Variants in TAFA4 observed in about 807,000 individuals in gnomAD.
The protein encoded by TAFA4 is TAFA chemokine like family member 4.
TAFA4 carries 20 observed loss-of-function variants against 21.1 expected under a neutral mutation model. The ratio of observed to expected loss-of-function variants is 0.95; its 90% confidence interval spans 0.67 to 1.38. The LOEUF (loss-of-function observed/expected upper bound fraction) is 1.38. Ranked by LOEUF, TAFA4 falls within the 40% of genes most tolerant of loss-of-function variation. The pLI is 0.00. For missense variants in TAFA4, 211 were observed against 180.9 expected (o/e 1.17, Z -0.95); for synonymous variants, 71 against 67.4 (o/e 1.05, Z -0.26).
In TAFA4 at chr3:68,807,058, C is replaced by A. The variant is rs576678302; in HGVS notation, c.131-54040G>T. Among the ~76,000 whole-genome samples, 204 of 152,314 alleles carry A rather than the reference C, an allele frequency of 1.3e-3. 2 individuals are homozygous for A. The South Asian group carries it at 0.023, about 17-fold the overall frequency. ...GATGAACATGAATAACTAAGCATAT[C>A]AGACATGTCCAGCATGAAGCATGCT... On this transcript the variant is annotated intron_variant, in intron 3 of 5. Transcript: ENST00000295569.
Position 68,742,321 on chromosome 3 carries a change from A to T in TAFA4, c.287-3122T>A, listed in dbSNP as rs572138676. On this transcript the variant is annotated intron_variant, in intron 4 of 5. Coordinates refer to ENST00000295569, the MANE Select transcript of TAFA4 (RefSeq NM_182522.5). ...AGCAAGCAGGCAAGAAAAAAATAAA[A>T]AAGGTACTTAAATTAGAAAGGAAGA... is the stretch of plus-strand genomic sequence containing the variant. Among the ~76,000 whole-genome samples, 600 of 152,364 alleles carry T rather than the reference A, an allele frequency of 3.9e-3. 7 individuals carry two copies. The highest frequency in any genetic ancestry group is 0.013 in the African/African-American group (548 of 41,584).
intron 2 of TAFA4, chr3:68,882,951 G>T (rs1180475209): frequency 6.6e-6 from 1 of 152,214 alleles, no homozygotes; most frequent in African/African-American, 2.4e-5. Flanking sequence ...ACCAAACTTA[G>T]AAGTTTAAAA....
intron 3 of TAFA4, among the ~76,000 whole-genome samples, chr3:68,804,852 G>A (rs1282053291): frequency 2.0e-4 from 31 of 152,104 alleles, no homozygotes; most frequent in Non-Finnish European, 2.4e-4. Flanking sequence ...TAAAAACCCT[G>A]GAAGAAAACC....
intron 3 of TAFA4, among the ~76,000 whole-genome samples, chr3:68,859,068 A>C (rs1347691801): frequency 6.6e-6 from 1 of 152,074 alleles, no homozygotes; most frequent in Non-Finnish European, 1.5e-5. Context: ...ATCTGTTATT[A>C]TTTCAGTGTT....
chr3:68,783,624 C>T (rs755233657), intron 3 of TAFA4, among the ~76,000 whole-genome samples: 39 of 145,558 alleles, frequency 2.7e-4, no homozygotes, highest in Non-Finnish European at 4.5e-4. Flanking sequence ...CCAGATGGCT[C>T]CAGAGTTTGC....
chr3:68,811,674 T>C (rs936234110), intron 3 of TAFA4, among the ~76,000 whole-genome samples: 6 of 152,246 alleles, frequency 3.9e-5, no homozygotes, highest in Non-Finnish European at 7.4e-5. Context: ...TGGGACTATG[T>C]GAAAAGACCA....
At chr3:68,742,323 AG>A (rs942230433) in intron 4 of TAFA4, among the ~76,000 whole-genome samples, 9 of 152,260 alleles carry the variant, frequency 5.9e-5, no homozygotes, top group African/African-American at 2.2e-4. Context: ...AAAATAAAAA[AG>A]GTACTTAAAT....
intron 3 of TAFA4, among the ~76,000 whole-genome samples, chr3:68,760,684 G>A (rs1345498718): frequency 6.6e-6 from 1 of 152,190 alleles, no homozygotes; most frequent in Non-Finnish European, 1.5e-5. Flanking sequence ...AAGATTTCAT[G>A]AAATGAAAGC....
At chr3:68,820,949 G>C (rs917575891) in intron 3 of TAFA4, among the ~76,000 whole-genome samples, 6 of 152,114 alleles carry the variant, frequency 3.9e-5, no homozygotes, top group African/African-American at 1.4e-4. Flanking sequence ...GTAAACCAAA[G>C]GAATTACAAA....
chr3:68,869,328 TGAA>T (rs1243997438), intron 3 of TAFA4, among the ~76,000 whole-genome samples: 3 of 151,440 alleles, frequency 2.0e-5, no homozygotes, highest in Non-Finnish European at 2.9e-5. Flanking sequence ...TTCAAAAAAA[TGAA>T]GAAGAGGTAA....
chr3:68,813,900 C>T (rs1344151973), intron 3 of TAFA4, among the ~76,000 whole-genome samples: 4 of 152,120 alleles, frequency 2.6e-5, no homozygotes, highest in African/African-American at 7.2e-5. Flanking sequence ...TGATGAACAT[C>T]GAGGCAAAAA....
chr3:68,900,169 G>A (rs1340753388), intron 1 of TAFA4, among the ~76,000 whole-genome samples: 1 of 149,990 alleles, frequency 6.7e-6, no homozygotes, highest in Non-Finnish European at 1.5e-5. Flanking sequence ...TTGAACCTGG[G>A]AAGCACAGGT....
intron 3 of TAFA4, among the ~76,000 whole-genome samples, chr3:68,765,976 G>C (rs1702846723): frequency 6.6e-6 from 1 of 152,094 alleles, no homozygotes; most frequent in Non-Finnish European, 1.5e-5. Context: ...CATATTCAGA[G>C]AGTCCATGCT....
rs923684873 is a variant in TAFA4, at chr3:68,847,746, C to T, written c.130+32984G>A. ...AACTTTTTTTAAAGGCCACCAGTTA[C>T]AAATTAGCAGATTTGAACACGGTAA... On this transcript the variant is annotated intron_variant, in intron 3 of 5. Coordinates refer to ENST00000295569, the MANE Select transcript of TAFA4 (RefSeq NM_182522.5). 2.0e-5 allele frequency among the ~76,000 whole-genome samples: 3 copies of T among 152,274 alleles called. No individual in the cohort carries two copies. In the East Asian group the frequency reaches 5.8e-4, roughly 29 times the overall value.
At chr3:68,903,926 C>T (rs1215426189) in intron 1 of TAFA4, among the ~76,000 whole-genome samples, 1 of 152,138 alleles carries the variant, frequency 6.6e-6, no homozygotes, top group East Asian at 1.9e-4. Flanking sequence ...CTTTCCATCC[C>T]ATGTGAGCCT....
At chr3:68,736,645 T>C (rs971091328) in intron 5 of TAFA4, among the ~76,000 whole-genome samples, 8 of 152,118 alleles carry the variant, frequency 5.3e-5, no homozygotes, top group African/African-American at 1.7e-4. Flanking sequence ...AGGGAGACAA[T>C]TGCTCTGCTT....
intron 1 of TAFA4, among the ~76,000 whole-genome samples, chr3:68,914,528 A>C (rs1279950397): frequency 6.6e-6 from 1 of 151,982 alleles, no homozygotes; most frequent in Non-Finnish European, 1.5e-5. Flanking sequence ...CTTATGTGTA[A>C]AGTTAGTAAC....
chr3:68,826,550 G>A (rs1361091057), intron 3 of TAFA4, among the ~76,000 whole-genome samples: 2 of 147,782 alleles, frequency 1.4e-5, no homozygotes, highest in East Asian at 2.0e-4. Context: ...TCCAGCCTGG[G>A]CAACAGAGCG....
chr3:68,759,523 A>G (rs1384107279), intron 3 of TAFA4, among the ~76,000 whole-genome samples: 1 of 152,194 alleles, frequency 6.6e-6, no homozygotes, highest in Non-Finnish European at 1.5e-5. Flanking sequence ...TTGTTCAATA[A>G]GCCTGGTACC....
Sources: allele counts gnomAD v4.1 joint callset (sites outside exome capture counted in the v4.1 genomes callset), GRCh38; gene constraint gnomAD v4.1.1; transcripts MANE v1.5; gene names NCBI Gene and HGNC (gene_info 2026-07-23, HGNC 2026-07-21).